The following FBXW7 variants were observed in gnomAD, a reference collection of about 807,000 sequenced individuals.
FBXW7 encodes F-box and WD repeat domain containing 7, also known as F-box/WD repeat-containing protein 7.
A neutral mutation model predicts 86.3 loss-of-function variants in FBXW7; 11 were observed. The observed-to-expected ratio is 0.13, with a 90% CI of 0.08 to 0.21. The LOEUF (loss-of-function observed/expected upper bound fraction) is 0.21. FBXW7 is among the 10% of genes least tolerant of loss of function. The pLI is 1.00. For missense variants in FBXW7, 488 were observed against 847.4 expected (o/e 0.58, Z 5.27); for synonymous variants, 313 against 297.9 (o/e 1.05, Z -0.52).
chr4:152,349,222 C>T (rs915088459), intron 5 of FBXW7, among the ~76,000 whole-genome samples: 1 of 151,790 alleles, frequency 6.6e-6, no homozygotes, highest in East Asian at 1.9e-4. Context: ...GAAGAAATGT[C>T]ATAACCATGA....
intron 2 of FBXW7, among the ~76,000 whole-genome samples, chr4:152,453,274 TTCTTA>T (rs1256444457): frequency 2.0e-5 from 3 of 152,196 alleles, no homozygotes; most frequent in African/African-American, 2.4e-5. Context: ...GAAAGATGAT[TTCTTA>T]TCTTAATTTC....
At chr4:152,515,451 A>G (rs1243459395) in intron 2 of FBXW7, among the ~76,000 whole-genome samples, 1 of 152,184 alleles carries the variant, frequency 6.6e-6, no homozygotes, top group Non-Finnish European at 1.5e-5. Flanking sequence ...GGGGGGAAAA[A>G]AGCAACAATG....
intron 4 of FBXW7, among the ~76,000 whole-genome samples, chr4:152,365,284 C>T (rs1733372945): frequency 6.6e-6 from 1 of 151,860 alleles, no homozygotes; most frequent in South Asian, 2.1e-4. Flanking sequence ...TTGGGTTTTA[C>T]CATAAGAGTA....
chr4:152,322,647 G>A lies in FBXW7; in HGVS notation c.*234C>T. ...TGCAAAGCTGCCCTCAGTCAAAAGT[G>A]AAGCCTTTTATGTGATGAGACAGCA... On this transcript the variant is annotated 3_prime_UTR_variant, in exon 14 of 14. Coordinates refer to ENST00000281708, the MANE Select transcript of FBXW7 (RefSeq NM_001349798.2). 1 of 590,500 alleles carries A rather than the reference G, an allele frequency of 1.7e-6. No individual in the cohort carries two copies. The highest frequency in any genetic ancestry group is 2.7e-6 in the Non-Finnish European group (1 of 370,054). The allele number at this position is 590,500 out of a possible 1,614,324, so 36.6% of individuals were successfully genotyped here.
intron 2 of FBXW7, among the ~76,000 whole-genome samples, chr4:152,499,742 G>C (rs553426220): frequency 4.6e-5 from 7 of 152,196 alleles, no homozygotes; most frequent in Admixed American, 3.9e-4. Context: ...GTTTTTTGTA[G>C]AGACAGGGTT....
chr4:152,360,173 A>G (rs1054779222), intron 4 of FBXW7, among the ~76,000 whole-genome samples: 1 of 152,216 alleles, frequency 6.6e-6, no homozygotes, highest in Middle Eastern at 3.2e-3. Flanking sequence ...ACCTCCTGTC[A>G]TGACTCATCA....
chr4:152,506,351 T>G (rs1015576652), intron 2 of FBXW7, among the ~76,000 whole-genome samples: 1 of 152,176 alleles, frequency 6.6e-6, no homozygotes, highest in African/African-American at 2.4e-5. Context: ...CAGGATGGTC[T>G]CAATCTCCTG....
intron 4 of FBXW7, among the ~76,000 whole-genome samples, chr4:152,371,627 A>G (rs918861613): frequency 6.6e-6 from 1 of 152,020 alleles, no homozygotes; most frequent in Non-Finnish European, 1.5e-5. Context: ...TTAGAAATGA[A>G]AAGTGTATAA....
At chr4:152,437,459 G>A (rs1386776789) in intron 2 of FBXW7, among the ~76,000 whole-genome samples, 1 of 152,124 alleles carries the variant, frequency 6.6e-6, no homozygotes, top group Non-Finnish European at 1.5e-5. Flanking sequence ...ACTGGAGTTT[G>A]ACAATGTGAC....
At chr4:152,482,541 C>T (rs1033759057) in intron 2 of FBXW7, among the ~76,000 whole-genome samples, 4 of 152,064 alleles carry the variant, frequency 2.6e-5, no homozygotes, top group African/African-American at 9.7e-5. Context: ...TTCTGGCTTG[C>T]TGTGTGTTTT....
intron 2 of FBXW7, among the ~76,000 whole-genome samples, chr4:152,521,790 A>G (rs1414138408): frequency 1.3e-5 from 2 of 151,534 alleles, no homozygotes. Flanking sequence ...TGAAATGGAC[A>G]AGGAATGGTA....
chr4:152,367,630 A>G (rs967708250), intron 4 of FBXW7, among the ~76,000 whole-genome samples: 1 of 152,156 alleles, frequency 6.6e-6, no homozygotes, highest in Non-Finnish European at 1.5e-5. Flanking sequence ...TGGGCATACC[A>G]TTCACTTCTA....
chr4:152,525,473 C>T (rs528159534), intron 2 of FBXW7, among the ~76,000 whole-genome samples: 1 of 152,312 alleles, frequency 6.6e-6, no homozygotes, highest in South Asian at 2.1e-4. Flanking sequence ...CCCTCCCCCT[C>T]AAGTAGACCC....
At chr4:152,388,927 C>G (rs1231972107) in intron 4 of FBXW7, among the ~76,000 whole-genome samples, 1 of 151,936 alleles carries the variant, frequency 6.6e-6, no homozygotes, top group Admixed American at 6.6e-5. Flanking sequence ...TGACAGGCAA[C>G]TCAACAACAA....
At chr4:152,418,105 C>T (rs994463060) in intron 2 of FBXW7, among the ~76,000 whole-genome samples, 1 of 151,324 alleles carries the variant, frequency 6.6e-6, no homozygotes, top group African/African-American at 2.4e-5. Flanking sequence ...GGTCATTTCA[C>T]TCATTTAAAG....
chr4:152,514,278 C>G (rs759788447), intron 2 of FBXW7, among the ~76,000 whole-genome samples: 17 of 152,106 alleles, frequency 1.1e-4, no homozygotes, highest in Non-Finnish European at 2.4e-4. Flanking sequence ...TTCTAAGAAG[C>G]AACATTCTTC....
chr4:152,397,202 C>T (rs756521634), intron 4 of FBXW7, among the ~76,000 whole-genome samples: 4 of 151,890 alleles, frequency 2.6e-5, no homozygotes, highest in Non-Finnish European at 5.9e-5. Flanking sequence ...CGAGAAATGT[C>T]CTTATTTCTG....
intron 6 of FBXW7, among the ~76,000 whole-genome samples, chr4:152,340,695 T>G (rs1730650721): frequency 1.3e-5 from 2 of 152,100 alleles, no homozygotes; most frequent in South Asian, 4.2e-4. Flanking sequence ...TCACATCTCT[T>G]TGGTGATTCT....
At chr4:152,328,088 G>A in intron 11 of FBXW7, 120 bp downstream of exon 11, 1 of 792,598 alleles carries the variant, frequency 1.3e-6, no homozygotes, top group Non-Finnish European at 2.0e-6. Flanking sequence ...CATCTGAAGT[G>A]TAATAATTAA....
Sources: gnomAD v4.1 joint callset for allele counts (sites outside exome capture counted in the v4.1 genomes callset) on GRCh38, gnomAD v4.1.1 for gene constraint, MANE v1.5 for transcripts, NCBI Gene and HGNC (gene_info 2026-07-23, HGNC 2026-07-21) for gene names.